LRRCC1: variants seen among roughly 807,000 people sequenced by gnomAD.
LRRCC1 encodes the protein leucine-rich repeat and coiled-coil domain-containing protein 1.
Under a neutral mutation model 126.0 loss-of-function variants are expected in LRRCC1, and 115 were observed. That is an observed-to-expected ratio of 0.91 (90% CI 0.78 to 1.07). The LOEUF is 1.07. Among genes scored for constraint, LRRCC1 ranks in the 50% least tolerant of loss-of-function variants. The pLI, the probability that LRRCC1 is intolerant of heterozygous loss-of-function variation, is 0.00. For missense variants in LRRCC1, 1,172 were observed against 1,175.7 expected (o/e 1.00, Z 0.05); for synonymous variants, 400 against 393.4 (o/e 1.02, Z -0.20).
intron 18 of LRRCC1, among the ~76,000 whole-genome samples, chr8:85,142,850 A>G (rs1284426461): frequency 1.2e-5 from 1 of 80,346 alleles, no homozygotes; most frequent in African/African-American, 4.7e-5. Context: ...AAAAAAAAGA[A>G]AAGAAAAGAA....
At chr8:85,141,848 TA>T (rs1285262755) in intron 18 of LRRCC1, among the ~76,000 whole-genome samples, 2 of 152,186 alleles carry the variant, frequency 1.3e-5, no homozygotes, top group Non-Finnish European at 2.9e-5. Flanking sequence ...CTGAAGGTAT[TA>T]AACATAATCC....
Position 85,131,748 on chromosome 8 carries a change from T to G in LRRCC1, c.1767-12T>G, listed in dbSNP as rs750830532. 1 of 1,599,422 alleles carries G rather than the reference T, an allele frequency of 6.3e-7. No individual in the cohort carries two copies. Among genetic ancestry groups the G allele is most frequent in the South Asian group, 1.1e-5 (1 of 88,530 alleles). ...GTATCATCCTTTTATCTTTATATGT[T>G]TTTCACTCCAGGAAGGAACTTGAAA... On this transcript the variant is annotated splice_polypyrimidine_tract_variant and intron_variant, in intron 11 of 18. Coordinates refer to ENST00000360375, the MANE Select transcript of LRRCC1 (RefSeq NM_033402.5).
Position 85,130,754 on chromosome 8 carries a change from T to C in LRRCC1, c.1766+696T>C, listed in dbSNP as rs1016891526. On this transcript the variant is annotated intron_variant, in intron 11 of 18. Coordinates refer to ENST00000360375, the MANE Select transcript of LRRCC1 (RefSeq NM_033402.5). ...TTTATTCCTCTGAAGGAGGGGTCAGTGAACTTTTTCTGTAAAGGGTCACAT... is the reference window on the plus strand; with the variant it reads ...TTTATTCCTCTGAAGGAGGGGTCAGCGAACTTTTTCTGTAAAGGGTCACAT... 9.2e-5 allele frequency among the ~76,000 whole-genome samples: 14 copies of C among 152,300 alleles called. No individual in the cohort carries two copies. The East Asian group carries it at 2.7e-3, about 29-fold the overall frequency.
chr8:85,115,444 AC>A lies in LRRCC1; in HGVS notation c.791del (p.Thr264AsnfsTer7). 1.2e-6 allele frequency: 2 copies of A among 1,613,624 alleles called. No individual in the cohort carries two copies. The highest frequency in any genetic ancestry group is 1.7e-6 in the Non-Finnish European group (2 of 1,179,582). On this transcript the variant is annotated frameshift_variant, in exon 6 of 19. Transcript: ENST00000360375. LOFTEE classifies it high-confidence loss of function. ...ELVPLEQFAS[T>X]PSDAVLTSFM... ...AGTTCCCTTGGAACAGTTTGCAAGT[AC>A]ACCAAGTGATGCTGTGTTGACGTCT... is the stretch of plus-strand genomic sequence containing the variant.
At position 85,124,881 on chromosome 8, in the gene LRRCC1, A is replaced by C. The variant is rs1175479031; in HGVS notation, c.1214A>C (p.Lys405Thr). The change falls in exon 8 of 19, where the codon AAG (lysine) becomes ACG (threonine). Residue 405 changes from lysine to threonine, a missense_variant. Transcript: ENST00000360375. ...ANCPMLQESE[K>T]PKTEIIKVDQ... ...TGTCCTATGTTACAAGAATCAGAAA[A>C]GCCAAAGACTGAAATAATTAAAGTA... The C allele has an allele frequency of 6.2e-7, 1 of 1,608,776 alleles. No individual in the cohort carries two copies. The highest frequency in any genetic ancestry group is 1.1e-5 in the South Asian group (1 of 90,300).
chr8:85,107,306 CGGCGGCGGTGGT>C lies in LRRCC1; in HGVS notation c.18_29del (p.Val7_Ala10del), dbSNP rs1002052618. ...CCCGTCGCCAGTGCTATGGAGGCGG[CGGCGGCGGTGGT>C]GGCGGCAGAGGCGGAAGTGGAAAAC... On this transcript the variant is annotated inframe_deletion, in exon 1 of 19. Transcript: ENST00000360375. 3 of 1,611,218 alleles carry C rather than the reference CGGCGGCGGTGGT, an allele frequency of 1.9e-6. No individual in the cohort carries two copies. Among genetic ancestry groups the C allele is most frequent in the South Asian group, 1.1e-5 (1 of 90,780 alleles).
At chr8:85,110,337 G>C (rs997692529) in intron 3 of LRRCC1, among the ~76,000 whole-genome samples, 157 bp downstream of exon 3, 1 of 152,092 alleles carries the variant, frequency 6.6e-6, no homozygotes, top group Admixed American at 6.5e-5. Context: ...ATTCTATTTT[G>C]TTGGTACCAA....
intron 11 of LRRCC1, among the ~76,000 whole-genome samples, chr8:85,131,122 T>A (rs1810431804): frequency 1.3e-5 from 2 of 152,240 alleles, no homozygotes; most frequent in Admixed American, 1.3e-4. Context: ...ATTGTTATCT[T>A]GTATAGATGA....
chr8:85,116,153 T>A (rs1443470460), intron 6 of LRRCC1, among the ~76,000 whole-genome samples: 1 of 152,234 alleles, frequency 6.6e-6, no homozygotes, highest in Non-Finnish European at 1.5e-5. Flanking sequence ...CTACAATTCC[T>A]AGAATTTACT....
At chr8:85,115,050 T>C (rs1312878471) in intron 4 of LRRCC1, 50 bp from the exon 5 acceptor site, 2 of 1,399,118 alleles carry the variant, frequency 1.4e-6, no homozygotes, top group East Asian at 4.6e-5. Flanking sequence ...CTAGAAATAA[T>C]TGACTTTTTT....
At chr8:85,134,029 A>G (rs1023544943) in intron 12 of LRRCC1, among the ~76,000 whole-genome samples, 1 of 151,898 alleles carries the variant, frequency 6.6e-6, no homozygotes, top group Non-Finnish European at 1.5e-5. Flanking sequence ...TATTCCTCCA[A>G]TGTATCAGGC....
chr8:85,141,540 C>T lies in LRRCC1; in HGVS notation c.2976+23C>T, dbSNP rs371466822. 2.8e-5 allele frequency: 43 copies of T among 1,548,928 alleles called. No homozygotes were observed. In the African/African-American group the frequency reaches 5.6e-4, roughly 20 times the overall value. On this transcript the variant is annotated intron_variant, in intron 18 of 18. Coordinates refer to ENST00000360375, the MANE Select transcript of LRRCC1 (RefSeq NM_033402.5). ...AAGGTATTGTAAGTAAAATTCACTT[C>T]AATAATCAGTATATTACATGATTAT...
chr8:85,134,404 T>C (rs887196317), intron 12 of LRRCC1, among the ~76,000 whole-genome samples: 1 of 152,042 alleles, frequency 6.6e-6, no homozygotes, highest in African/African-American at 2.4e-5. Flanking sequence ...TGCAGCCTCC[T>C]CCTCCCGGGT....
rs1185805595 is a variant in LRRCC1, at chr8:85,107,287, G to T, written c.-9G>T. 1 of 1,608,198 alleles carries T rather than the reference G, an allele frequency of 6.2e-7. No individual in the cohort carries two copies. The highest frequency in any genetic ancestry group is 8.5e-7 in the Non-Finnish European group (1 of 1,177,266). ...GCCGGTTAAGACCCCGCTCCCCGTC[G>T]CCAGTGCTATGGAGGCGGCGGCGGC... On this transcript the variant is annotated 5_prime_UTR_variant, in exon 1 of 19. Coordinates refer to ENST00000360375, the MANE Select transcript of LRRCC1 (RefSeq NM_033402.5).
At chr8:85,123,365 T>C in intron 6 of LRRCC1, 48 bp from the exon 7 acceptor site, 3 of 1,261,572 alleles carry the variant, frequency 2.4e-6, no homozygotes, top group Non-Finnish European at 3.4e-6. Context: ...ATTTCAATCT[T>C]TTTTATACTG....
At chr8:85,133,572 TGTCCCA>T (rs1177986467) in intron 12 of LRRCC1, among the ~76,000 whole-genome samples, 1 of 152,202 alleles carries the variant, frequency 6.6e-6, no homozygotes, top group African/African-American at 2.4e-5. Context: ...ACATTTCTCC[TGTCCCA>T]GTTAAAGACA....
chr8:85,129,920 T>C lies in LRRCC1; in HGVS notation c.1628T>C (p.Ile543Thr), dbSNP rs192517507. Residue 543 changes from isoleucine to threonine, a missense_variant and splice_region_variant, in exon 11 of 19, where the codon ATA becomes ACA. Coordinates refer to ENST00000360375, the MANE Select transcript of LRRCC1 (RefSeq NM_033402.5). ...RQKRQQQAAQ[I>T]RLIQEVELKA... ...TGTAATTGTGGGTATTTTACTCAGA[T>C]AAGACTGATCCAAGAGGTGGAACTC... The C allele has an allele frequency of 7.0e-6, 11 of 1,565,954 alleles. No homozygotes were observed. The Admixed American group carries it at 2.1e-4, about 29-fold the overall frequency.
chr8:85,143,534 G>A (rs548713388), intron 18 of LRRCC1, among the ~76,000 whole-genome samples: 1 of 152,180 alleles, frequency 6.6e-6, no homozygotes, highest in South Asian at 2.1e-4. Flanking sequence ...GTCTCCTCAG[G>A]AGGCTGAGAT....
At chr8:85,121,313 T>A (rs1310221983) in intron 6 of LRRCC1, among the ~76,000 whole-genome samples, 1 of 152,230 alleles carries the variant, frequency 6.6e-6, no homozygotes, top group Non-Finnish European at 1.5e-5. Flanking sequence ...TGGATTAGGG[T>A]CTACCATTTT....
Sources: gnomAD v4.1 joint callset for allele counts (sites outside exome capture counted in the v4.1 genomes callset) on GRCh38, gnomAD v4.1.1 for gene constraint, MANE v1.5 for transcripts, NCBI Gene and HGNC (gene_info 2026-07-23, HGNC 2026-07-21) for gene names.